The following ANKS1B variants were observed in gnomAD, a reference collection of about 807,000 sequenced individuals.
ANKS1B encodes the protein ankyrin repeat and sterile alpha motif domain-containing protein 1B.
A neutral mutation model predicts 148.3 loss-of-function variants in ANKS1B; 36 were observed. That is an observed-to-expected ratio of 0.24 (90% CI 0.19 to 0.32). The LOEUF (loss-of-function observed/expected upper bound fraction) is 0.32. ANKS1B is among the 10% of genes least tolerant of loss of function. ANKS1B has a pLI of 1.00. For missense variants in ANKS1B, 1,157 were observed against 1,542.6 expected (o/e 0.75, Z 4.19); for synonymous variants, 542 against 560.8 (o/e 0.97, Z 0.47).
intron 12 of ANKS1B, among the ~76,000 whole-genome samples, chr12:99,260,992 G>A (rs925305199): frequency 1.3e-5 from 2 of 152,162 alleles, no homozygotes; most frequent in African/African-American, 4.8e-5. Flanking sequence ...TCCATGCATA[G>A]GAAAAAACTA....
intron 9 of ANKS1B, among the ~76,000 whole-genome samples, chr12:99,604,916 TCA>T (rs778796356): frequency 1.2e-3 from 175 of 151,596 alleles, no homozygotes; most frequent in Middle Eastern, 3.4e-3. Context: ...AATAGAAAAC[TCA>T]GTTTTCTTAA....
chr12:98,820,476 C>T (rs1249965140), intron 19 of ANKS1B, among the ~76,000 whole-genome samples: 1 of 152,118 alleles, frequency 6.6e-6, no homozygotes, highest in Non-Finnish European at 1.5e-5. Context: ...TGTCGTAGAG[C>T]CCTGTGGTTT....
intron 8 of ANKS1B, among the ~76,000 whole-genome samples, chr12:99,671,051 T>C (rs2098535729): frequency 6.6e-6 from 1 of 152,212 alleles, no homozygotes; most frequent in Non-Finnish European, 1.5e-5. Flanking sequence ...TCAGAGACTG[T>C]TTCTCTTCTC....
At chr12:99,591,864 A>G (rs187105005) in intron 9 of ANKS1B, among the ~76,000 whole-genome samples, 30 of 152,346 alleles carry the variant, frequency 2.0e-4, no homozygotes, top group Non-Finnish European at 3.7e-4. Flanking sequence ...AAATGGATAT[A>G]GACCCTCACA....
chr12:99,430,898 C>A (rs979689314), intron 11 of ANKS1B, among the ~76,000 whole-genome samples: 15 of 152,100 alleles, frequency 9.9e-5, no homozygotes, highest in Admixed American at 4.6e-4. Flanking sequence ...AAAAGTATGG[C>A]ATTTGGTTTC....
chr12:99,524,954 G>A (rs1275284166), intron 9 of ANKS1B, among the ~76,000 whole-genome samples: 1 of 152,144 alleles, frequency 6.6e-6, no homozygotes, highest in Non-Finnish European at 1.5e-5. Context: ...ATATCACCAT[G>A]AATCAAGGAC....
intron 12 of ANKS1B, among the ~76,000 whole-genome samples, chr12:99,324,992 C>T (rs148491800): frequency 6.6e-6 from 1 of 152,182 alleles, no homozygotes; most frequent in Non-Finnish European, 1.5e-5. Flanking sequence ...GGTAAATACA[C>T]CTCATTCCCT....
At chr12:99,827,407 A>C (rs759949999) in intron 1 of ANKS1B, among the ~76,000 whole-genome samples, 28 of 152,154 alleles carry the variant, frequency 1.8e-4, no homozygotes, top group Non-Finnish European at 3.7e-4. Flanking sequence ...GGAAATAAAT[A>C]TCAGAGGATA....
At chr12:99,212,651 T>C (rs1414547300) in intron 14 of ANKS1B, among the ~76,000 whole-genome samples, 1 of 152,252 alleles carries the variant, frequency 6.6e-6, no homozygotes, top group Non-Finnish European at 1.5e-5. Context: ...ATGGTTTCTT[T>C]GTAAGCCAAA....
At chr12:98,791,424 G>A (rs2098850055) in intron 22 of ANKS1B, among the ~76,000 whole-genome samples, 1 of 152,100 alleles carries the variant, frequency 6.6e-6, no homozygotes, top group Non-Finnish European at 1.5e-5. Context: ...TTTCTTTGTG[G>A]GCATTGCGAT....
Position 98,799,094 on chromosome 12 carries a change from T to A in ANKS1B, c.3271-89A>T, listed in dbSNP as rs3764921. ...AACAAATTGTGGAAGTATTACTGGCTAGGTTTCCTGGCTGTAAGTTGTTGC... is the reference window on the plus strand; with the variant it reads ...AACAAATTGTGGAAGTATTACTGGCAAGGTTTCCTGGCTGTAAGTTGTTGC... On this transcript the variant is annotated intron_variant, in intron 21 of 26. Transcript: ENST00000683438. 59 of 884,724 alleles carry A rather than the reference T, an allele frequency of 6.7e-5. No individual in the cohort carries two copies. The East Asian group carries it at 1.7e-3, about 26-fold the overall frequency. 54.8% of individuals were successfully genotyped at this position (884,724 alleles called of 1,614,324 possible).
chr12:98,768,611 G>T (rs2098520912), intron 25 of ANKS1B, among the ~76,000 whole-genome samples: 1 of 151,484 alleles, frequency 6.6e-6, no homozygotes, highest in Non-Finnish European at 1.5e-5. Flanking sequence ...GCGGGTGCCT[G>T]TAGTCCCAGC....
chr12:99,804,269 A>G (rs1314948854), intron 4 of ANKS1B, among the ~76,000 whole-genome samples: 1 of 152,226 alleles, frequency 6.6e-6, no homozygotes, highest in East Asian at 1.9e-4. Flanking sequence ...GTTTATCATT[A>G]AACAACTTTT....
intron 14 of ANKS1B, among the ~76,000 whole-genome samples, chr12:99,167,466 A>G (rs2077300854): frequency 6.6e-6 from 1 of 152,184 alleles, no homozygotes; most frequent in Admixed American, 6.5e-5. Flanking sequence ...GGAAACAAGC[A>G]TTTGAAAAGA....
At chr12:99,371,042 G>C (rs1034397296) in intron 12 of ANKS1B, among the ~76,000 whole-genome samples, 9 of 151,760 alleles carry the variant, frequency 5.9e-5, no homozygotes, top group African/African-American at 1.2e-4. Context: ...TTCTTGCTAG[G>C]CTCCCTCAAA....
chr12:99,592,283 A>T (rs1452983402), intron 9 of ANKS1B, among the ~76,000 whole-genome samples: 1 of 152,148 alleles, frequency 6.6e-6, no homozygotes, highest in Non-Finnish European at 1.5e-5. Context: ...GTTAATATGA[A>T]ATGCATTCAC....
At chr12:99,802,515 ATTAC>A (rs1317941070) in intron 4 of ANKS1B, among the ~76,000 whole-genome samples, 1 of 152,202 alleles carries the variant, frequency 6.6e-6, no homozygotes, top group Admixed American at 6.5e-5. Context: ...TGCCCAAAGT[ATTAC>A]TTACTATTTT....
intron 25 of ANKS1B, among the ~76,000 whole-genome samples, chr12:98,769,490 T>A (rs1410436949): frequency 6.6e-6 from 1 of 152,172 alleles, no homozygotes; most frequent in African/African-American, 2.4e-5. Flanking sequence ...AAGCTAGTAA[T>A]GTTTACATTA....
chr12:99,095,550 G>A (rs1042900945), intron 15 of ANKS1B, among the ~76,000 whole-genome samples: 2 of 152,144 alleles, frequency 1.3e-5, no homozygotes, highest in African/African-American at 2.4e-5. Flanking sequence ...GATAGGCCAT[G>A]GAAGGGTTAG....
Sources: allele counts gnomAD v4.1 joint callset (sites outside exome capture counted in the v4.1 genomes callset), GRCh38; gene constraint gnomAD v4.1.1; transcripts MANE v1.5; gene names NCBI Gene and HGNC (gene_info 2026-07-23, HGNC 2026-07-21).